The following MYPN variants were observed in gnomAD, a reference collection of about 807,000 sequenced individuals.
The protein encoded by MYPN is myopalladin.
Under a neutral mutation model 129.4 loss-of-function variants are expected in MYPN, and 63 were observed. The ratio of observed to expected loss-of-function variants is 0.49; its 90% CI spans 0.40 to 0.60. The LOEUF is 0.60. MYPN is among the 20% of genes least tolerant of loss of function. The probability of loss-of-function intolerance (pLI) is 0.00; values close to 1 mark genes in which losing one functional copy is unlikely to be tolerated. For synonymous variants in MYPN, 629 were observed against 600.9 expected (o/e 1.05, Z -0.68); for missense variants, 1,596 against 1,635.4 (o/e 0.98, Z 0.42).
intron 4 of MYPN, among the ~76,000 whole-genome samples, chr10:68,146,921 G>A (rs1278442692): frequency 6.6e-6 from 1 of 152,170 alleles, no homozygotes; most frequent in Non-Finnish European, 1.5e-5. Flanking sequence ...GAAGAAAACA[G>A]ATGCTTTGGA....
chr10:68,111,064 T>C (rs1278224603), intron 1 of MYPN, among the ~76,000 whole-genome samples: 1 of 152,194 alleles, frequency 6.6e-6, no homozygotes, highest in African/African-American at 2.4e-5. Flanking sequence ...CAATTTATAA[T>C]ATAGACACTA....
intron 19 of MYPN, among the ~76,000 whole-genome samples, chr10:68,209,671 C>CTTTTTTTTTTTTTTTTTTTTTTTTTTT (rs35392300): frequency 1.8e-4 from 23 of 131,224 alleles, no homozygotes; most frequent in Non-Finnish European, 2.4e-4. Flanking sequence ...GAATTCTTTT[C>CTTTTTTTTTTTTTTTTTTTTTTTTTTT]TTTTTTTTTT....
chr10:68,145,594 TA>T, intron 4 of MYPN, 68 bp downstream of exon 4: 2 of 1,343,422 alleles, frequency 1.5e-6, no homozygotes, highest in Non-Finnish European at 2.1e-6. Context: ...AGAGAATGAT[TA>T]ATTGGTTACT....
In MYPN at chr10:68,118,711, G is replaced by A. The variant is rs530044538; in HGVS notation, c.-1-2727G>A. Among the ~76,000 whole-genome samples the A allele has an allele frequency of 2.7e-4, 41 of 152,156 alleles. No homozygotes were observed. In the South Asian group the frequency reaches 4.6e-3, roughly 17 times the overall value. On this transcript the variant is annotated intron_variant, in intron 1 of 19. Coordinates refer to ENST00000358913, the MANE Select transcript of MYPN (RefSeq NM_032578.4). ...TAGCCAGGTGTGGTGGTGCGTGGCT[G>A]TAGTCCCAGCTACTTGGGAGGTTGA...
chr10:68,106,735 T>C (rs1464948961), upstream of MYPN: 3 of 717,262 alleles, frequency 4.2e-6, no homozygotes, highest in Admixed American at 6.0e-5. Flanking sequence ...ATGCTTACCG[T>C]CCAAGTGAAG....
intron 8 of MYPN, among the ~76,000 whole-genome samples, chr10:68,163,937 G>A (rs1433487208): frequency 6.6e-6 from 1 of 152,154 alleles, no homozygotes; most frequent in Non-Finnish European, 1.5e-5. Context: ...CACTTAACAA[G>A]AATAGAGTTA....
intron 12 of MYPN, among the ~76,000 whole-genome samples, chr10:68,177,592 A>G (rs1419922124): frequency 6.6e-6 from 1 of 152,228 alleles, no homozygotes; most frequent in Non-Finnish European, 1.5e-5. Flanking sequence ...TAAAAACATC[A>G]TGAAGAACTG....
Position 68,109,693 on chromosome 10 carries a change from A to G in MYPN, c.-32A>G, listed in dbSNP as rs1376779535. The stretch of plus-strand genomic sequence containing the variant: ...TTGCAGTGGAGTGCCTGGATTGGAC[A>G]TCCTCATCTGGGTCAACTAAAAAAA... On this transcript the variant is annotated 5_prime_UTR_variant, in exon 1 of 20. Transcript: ENST00000358913. The G allele has an allele frequency of 4.4e-6, 2 of 454,118 alleles. No homozygotes were observed. The highest frequency in any genetic ancestry group is 1.4e-4 in the East Asian group (2 of 14,396). The allele number at this position is 454,118 out of a possible 1,614,324, so 28.1% of individuals were successfully genotyped here.
rs776043765 is a variant in MYPN at position 68,166,631 on chromosome 10, G to C, written c.1938G>C (p.Val646=). The C allele has an allele frequency of 3.7e-6, 6 of 1,613,948 alleles. No individual in the cohort carries two copies. The South Asian group carries it at 5.5e-5, about 15-fold the overall frequency. The change falls in exon 10 of 20, where the codon GTG becomes GTC. Residue 646 remains valine, a synonymous_variant. Transcript: ENST00000358913. ...AAACCCCAGAGCCTTCTTCCCCCGT[G>C]AAAGAGCCCCCTCCAGTTCTGGCCA... ...ATKTPEPSSP[V]KEPPPVLAKP... is the part of the protein sequence containing the mutation.
Position 68,143,013 on chromosome 10 carries a change from C to A in MYPN, c.976C>A (p.Leu326Met). The A allele has an allele frequency of 6.2e-7, 1 of 1,614,146 alleles. No homozygotes were observed. Among genetic ancestry groups the A allele is most frequent in the Non-Finnish European group, 8.5e-7 (1 of 1,180,016 alleles). Residue 326 changes from leucine (L) to methionine (M), a missense_variant, in exon 3 of 20, where the codon CTG (leucine) becomes ATG (methionine). Coordinates refer to ENST00000358913, the MANE Select transcript of MYPN (RefSeq NM_032578.4). Reference protein sequence around the residue: ...HIVQAGNLHSLTIAEAFEEDT... With the variant: ...HIVQAGNLHSMTIAEAFEEDT... ...CGTCCAGGCAGGAAATCTGCACTCA[C>A]TGACCATTGCGGAAGCCTTTGAAGA...
chr10:68,112,452 C>T (rs73265260), intron 1 of MYPN, among the ~76,000 whole-genome samples: 11,887 of 152,068 alleles, frequency 0.078, 1,234 homozygotes, highest in African/African-American at 0.24. Flanking sequence ...TTTACCAATT[C>T]GATTAAAATA....
chr10:68,136,566 A>C, intron 2 of MYPN: 1 of 1,469,198 alleles, frequency 6.8e-7, no homozygotes, highest in Non-Finnish European at 9.0e-7. Flanking sequence ...CATGCTGTTA[A>C]AGTCAGAGTG....
chr10:68,179,020 A>C (rs1359970501), intron 12 of MYPN, among the ~76,000 whole-genome samples: 1 of 152,032 alleles, frequency 6.6e-6, no homozygotes, highest in Non-Finnish European at 1.5e-5. Flanking sequence ...TGCAGTTTCC[A>C]GATACTGCCC....
At chr10:68,205,200 C>G (rs553868585) in intron 18 of MYPN, among the ~76,000 whole-genome samples, 1 of 152,290 alleles carries the variant, frequency 6.6e-6, no homozygotes, top group East Asian at 1.9e-4. Context: ...TTCTGAACAT[C>G]CAGTATCTTC....
chr10:68,122,712 A>T (rs553742941), intron 2 of MYPN, among the ~76,000 whole-genome samples: 1 of 151,706 alleles, frequency 6.6e-6, no homozygotes, highest in South Asian at 2.1e-4. Flanking sequence ...GACCAGCCTG[A>T]CCAAAATGGA....
At position 68,111,787 on chromosome 10, in the gene MYPN, G is replaced by A. The variant is rs1188567799; in HGVS notation, c.-2+2064G>A. Among the ~76,000 whole-genome samples, 4 of 152,224 alleles carry A rather than the reference G, an allele frequency of 2.6e-5. No homozygotes were observed. In the East Asian group the frequency reaches 7.7e-4, roughly 29 times the overall value. Reference sequence around the variant, plus strand: ...CTCCCTGCTACGGAGACCTCCACTCGGAGTCACAGTGCACTCCACTCTCAG... The same window carrying A: ...CTCCCTGCTACGGAGACCTCCACTCAGAGTCACAGTGCACTCCACTCTCAG... On this transcript the variant is annotated intron_variant, in intron 1 of 19. Coordinates refer to ENST00000358913, the MANE Select transcript of MYPN (RefSeq NM_032578.4).
intron 18 of MYPN, among the ~76,000 whole-genome samples, chr10:68,203,987 G>A (rs932856616): frequency 2.0e-5 from 3 of 152,064 alleles, no homozygotes; most frequent in African/African-American, 4.8e-5. Context: ...CTACCTCCAC[G>A]CTGCAGCCCA....
intron 12 of MYPN, 31 bp from the exon 13 acceptor site, chr10:68,188,873 TG>T: frequency 6.3e-7 from 1 of 1,584,762 alleles, no homozygotes; most frequent in Non-Finnish European, 8.6e-7. Context: ...CCTTGCCATA[TG>T]GAAATTGAAA....
intron 19 of MYPN, among the ~76,000 whole-genome samples, chr10:68,208,549 C>T (rs2043854245): frequency 6.6e-6 from 1 of 152,122 alleles, no homozygotes; most frequent in South Asian, 2.1e-4. Context: ...TTCACCAAGT[C>T]AGAAGGCAGT....
Sources: gnomAD v4.1 joint callset for allele counts (sites outside exome capture counted in the v4.1 genomes callset) on GRCh38, gnomAD v4.1.1 for gene constraint, MANE v1.5 for transcripts, NCBI Gene and HGNC (gene_info 2026-07-23, HGNC 2026-07-21) for gene names.